CFAP221: variants seen among roughly 807,000 people sequenced by gnomAD.
CFAP221 encodes the protein cilia and flagella associated protein 221.
CFAP221 carries 97 observed loss-of-function variants against 113.1 expected under a neutral mutation model. The ratio of observed to expected loss-of-function variants is 0.86; its 90% CI spans 0.73 to 1.02. The LOEUF is 1.02. CFAP221 is among the 50% of genes least tolerant of loss of function. The probability of loss-of-function intolerance (pLI) is 0.00; values close to 1 mark genes in which losing one functional copy is unlikely to be tolerated. For missense variants in CFAP221, 1,025 were observed against 1,013.4 expected (o/e 1.01, Z -0.16); for synonymous variants, 331 against 354.4 (o/e 0.93, Z 0.74).
At chr2:119,601,863 GACAGAAATGTCTGAAAA>G (rs1684389229) in intron 8 of CFAP221, among the ~76,000 whole-genome samples, 1 of 152,206 alleles carries the variant, frequency 6.6e-6, no homozygotes, top group African/African-American at 2.4e-5. Context: ...ATGAGGCAGT[GACAGAAATGTCTGAAAA>G]ACAGAAATGT....
At chr2:119,554,649 T>C (rs762338526) in intron 3 of CFAP221, among the ~76,000 whole-genome samples, 1 of 152,210 alleles carries the variant, frequency 6.6e-6, no homozygotes, top group Non-Finnish European at 1.5e-5. Context: ...ATCAGGGCCA[T>C]GAATCGCATT....
intron 16 of CFAP221, 40 bp from the exon 17 acceptor site, chr2:119,629,835 A>C: frequency 6.8e-7 from 1 of 1,472,494 alleles, no homozygotes; most frequent in Non-Finnish European, 9.5e-7. Flanking sequence ...ACTCTTGCTC[A>C]GTGGTGATTG....
Position 119,562,005 on chromosome 2 carries a change from T to C in CFAP221, c.427-9T>C. 6.6e-7 allele frequency: 1 copy of C among 1,524,400 alleles called. No homozygotes were observed. The highest frequency in any genetic ancestry group is 8.8e-7 in the Non-Finnish European group (1 of 1,138,940). The allele number at this position is 1,524,400 out of a possible 1,614,324, so 94.4% of individuals were successfully genotyped here. On this transcript the variant is annotated splice_polypyrimidine_tract_variant and intron_variant, in intron 5 of 23. Coordinates refer to ENST00000413369, the MANE Select transcript of CFAP221 (RefSeq NM_001271049.2). ...AATGTTAAACTTGACTTTTTCTGGT[T>C]AATTTTAGGGAGATGACACTTTGCT... is the stretch of plus-strand genomic sequence containing the variant.
intron 7 of CFAP221, among the ~76,000 whole-genome samples, chr2:119,591,212 A>G (rs948121813): frequency 7.9e-5 from 12 of 152,246 alleles, no homozygotes; most frequent in African/African-American, 2.7e-4. Context: ...AGAGAGATCA[A>G]ACCTTTAAAA....
chr2:119,562,502 G>T (rs762906046), intron 6 of CFAP221, among the ~76,000 whole-genome samples: 1 of 152,104 alleles, frequency 6.6e-6, no homozygotes, highest in Non-Finnish European at 1.5e-5. Flanking sequence ...CCAGACATTA[G>T]CCTGGGGATG....
At chr2:119,610,868 G>A (rs1044298366) in intron 12 of CFAP221, among the ~76,000 whole-genome samples, 8 of 152,232 alleles carry the variant, frequency 5.3e-5, no homozygotes, top group African/African-American at 1.2e-4. Flanking sequence ...CACCATCTGC[G>A]GAGTACGCAG....
chr2:119,643,241 T>C (rs539830531), intron 21 of CFAP221, among the ~76,000 whole-genome samples: 1 of 152,386 alleles, frequency 6.6e-6, no homozygotes, highest in East Asian at 1.9e-4. Flanking sequence ...TTGTATCTTT[T>C]GCCCCTGACA....
Position 119,656,295 on chromosome 2 carries a change from C to CG in CFAP221, c.2415-61dup, listed in dbSNP as rs1242818710. 6.3e-6 allele frequency: 8 copies of CG among 1,261,558 alleles called. No homozygotes were observed. The East Asian group carries it at 1.2e-4, about 18-fold the overall frequency. The allele number at this position is 1,261,558 out of a possible 1,614,324, so 78.1% of individuals were successfully genotyped here. Reference sequence around the variant, plus strand: ...CTCCGACCTTCACCAGCACTGCTGGCGGGGGGTGATTTGCGTGGTTTTATT... The same window carrying CG: ...CTCCGACCTTCACCAGCACTGCTGGCGGGGGGGTGATTTGCGTGGTTTTATT... On this transcript the variant is annotated intron_variant, in intron 23 of 23. Coordinates refer to ENST00000413369, the MANE Select transcript of CFAP221 (RefSeq NM_001271049.2).
Position 119,656,496 on chromosome 2 carries a change from C to T in CFAP221, c.*26C>T. The T allele has an allele frequency of 1.3e-6, 2 of 1,565,886 alleles. No homozygotes were observed. The highest frequency in any genetic ancestry group is 1.8e-6 in the Non-Finnish European group (2 of 1,137,424). On this transcript the variant is annotated 3_prime_UTR_variant, in exon 24 of 24. Coordinates refer to ENST00000413369, the MANE Select transcript of CFAP221 (RefSeq NM_001271049.2). ...AAGTCACCAGTAGGTCAGTCCCTTC[C>T]ATTTGCTTTCCGTGGGCCACTGTGG...
intron 10 of CFAP221, 83 bp from the exon 11 acceptor site, chr2:119,605,098 C>T (rs1684644379): frequency 6.9e-7 from 1 of 1,459,168 alleles, no homozygotes; most frequent in South Asian, 1.2e-5. Context: ...GCTGTTATGC[C>T]TCGCCATTAG....
At chr2:119,598,771 T>G (rs1684168860) in intron 7 of CFAP221, among the ~76,000 whole-genome samples, 1 of 152,182 alleles carries the variant, frequency 6.6e-6, no homozygotes, top group Non-Finnish European at 1.5e-5. Context: ...GAAAAAGCAG[T>G]GTACTCTGGT....
intron 6 of CFAP221, among the ~76,000 whole-genome samples, chr2:119,582,518 C>T (rs544043186): frequency 2.6e-4 from 39 of 149,008 alleles, no homozygotes; most frequent in African/African-American, 8.0e-4. Flanking sequence ...TGCAGTGATG[C>T]GCTCTCGGCT....
At chr2:119,560,611 T>C (rs954153091) in intron 5 of CFAP221, among the ~76,000 whole-genome samples, 10 of 152,044 alleles carry the variant, frequency 6.6e-5, no homozygotes, top group Non-Finnish European at 1.2e-4. Flanking sequence ...TGCTCTATAG[T>C]CCAGACCCCA....
intron 6 of CFAP221, among the ~76,000 whole-genome samples, chr2:119,575,908 C>T (rs1574039879): frequency 6.6e-6 from 1 of 152,256 alleles, no homozygotes; most frequent in East Asian, 1.9e-4. Context: ...ACTTCCTTTA[C>T]CAAGTATGAA....
intron 12 of CFAP221, among the ~76,000 whole-genome samples, chr2:119,611,102 G>C (rs762151642): frequency 1.1e-4 from 17 of 152,136 alleles, no homozygotes; most frequent in Non-Finnish European, 1.9e-4. Context: ...CCCAGGAGAA[G>C]GAAGGAATCC....
At position 119,647,042 on chromosome 2, in the gene CFAP221, A is replaced by G. The variant is rs776104605; in HGVS notation, c.2310A>G (p.Thr770=). The G allele has an allele frequency of 2.6e-6, 4 of 1,563,852 alleles. No individual in the cohort carries two copies. Among genetic ancestry groups the G allele is most frequent in the East Asian group, 4.6e-5 (2 of 43,472 alleles). ...DALPEEDRLE[T]VERELCEQNV... ...TACCAGAAGAGGACAGACTAGAAAC[A>G]GTAGAACGGTATTTTTTTTTTTTTT... Residue 770 remains threonine, a synonymous_variant, in exon 22 of 24, where the codon ACA becomes ACG. Transcript: ENST00000413369.
chr2:119,607,723 T>TTGCC (rs1049199924), intron 11 of CFAP221, among the ~76,000 whole-genome samples: 1 of 152,208 alleles, frequency 6.6e-6, no homozygotes, highest in Non-Finnish European at 1.5e-5. Flanking sequence ...CTCTATGGAT[T>TTGCC]TGCCCACTCT....
intron 6 of CFAP221, among the ~76,000 whole-genome samples, chr2:119,562,432 C>T (rs1681321742): frequency 6.6e-6 from 1 of 152,094 alleles, no homozygotes; most frequent in Admixed American, 6.5e-5. Flanking sequence ...TTAGTTCCAC[C>T]ATCTTGCGCT....
intron 14 of CFAP221, among the ~76,000 whole-genome samples, chr2:119,621,838 A>G (rs1005386264): frequency 1.3e-5 from 2 of 152,236 alleles, no homozygotes; most frequent in African/African-American, 4.8e-5. Context: ...TTTGAAACCA[A>G]TGAGAACAAA....
Sources: allele counts gnomAD v4.1 joint callset (sites outside exome capture counted in the v4.1 genomes callset), GRCh38; gene constraint gnomAD v4.1.1; transcripts MANE v1.5; gene names NCBI Gene and HGNC (gene_info 2026-07-23, HGNC 2026-07-21).